The following TBPL1 variants were observed in gnomAD, a reference collection of about 807,000 sequenced individuals.
TBPL1 encodes TATA box-binding protein-like 1.
Under a neutral mutation model 22.1 loss-of-function variants are expected in TBPL1, and 4 were observed. The observed-to-expected ratio is 0.18, with a 90% confidence interval of 0.09 to 0.41. TBPL1 has a LOEUF of 0.41. Ranked by LOEUF, TBPL1 falls within the 10% of genes least tolerant of loss-of-function variation. The pLI is 1.00. For synonymous variants in TBPL1, 64 were observed against 71.0 expected (o/e 0.90, Z 0.50); for missense variants, 115 against 222.3 (o/e 0.52, Z 3.07).
chr6:133,972,053 A>T (rs559461950), intron 1 of TBPL1, among the ~76,000 whole-genome samples: 1 of 152,322 alleles, frequency 6.6e-6, no homozygotes, highest in African/African-American at 2.4e-5. Context: ...CTTAGAATAG[A>T]TTATCCAAAT....
chr6:133,981,813 A>G (rs1396662987), intron 2 of TBPL1, among the ~76,000 whole-genome samples: 2 of 152,210 alleles, frequency 1.3e-5, no homozygotes, highest in African/African-American at 2.4e-5. Flanking sequence ...ATTTCCATTA[A>G]TGAAAAGTTG....
intron 1 of TBPL1, among the ~76,000 whole-genome samples, chr6:133,956,180 C>T (rs2114315266): frequency 6.6e-6 from 1 of 152,186 alleles, no homozygotes; most frequent in South Asian, 2.1e-4. Context: ...ATGAACGTTG[C>T]AGTTGATTTT....
chr6:133,983,225 T>G (rs1284277637), intron 4 of TBPL1, among the ~76,000 whole-genome samples: 1 of 152,212 alleles, frequency 6.6e-6, no homozygotes, highest in Non-Finnish European at 1.5e-5. Flanking sequence ...GAATGGTGAA[T>G]AGAGAATGGC....
chr6:133,979,329 G>C (rs766071633), intron 1 of TBPL1, among the ~76,000 whole-genome samples: 1 of 152,148 alleles, frequency 6.6e-6, no homozygotes, highest in African/African-American at 2.4e-5. Context: ...CAGTTACTCT[G>C]CTTGAAATAG....
intron 1 of TBPL1, among the ~76,000 whole-genome samples, chr6:133,976,612 A>G (rs922085929): frequency 1.3e-5 from 2 of 152,192 alleles, no homozygotes; most frequent in Non-Finnish European, 2.9e-5. Context: ...ATTTAGTTAG[A>G]CCTGTTTAAC....
chr6:133,962,723 A>G (rs1487441509), intron 1 of TBPL1, among the ~76,000 whole-genome samples: 1 of 152,244 alleles, frequency 6.6e-6, no homozygotes, highest in African/African-American at 2.4e-5. Context: ...AAAGGATTTC[A>G]GGCAGTGGTT....
At chr6:133,974,584 C>G (rs1263760666) in intron 1 of TBPL1, among the ~76,000 whole-genome samples, 1 of 152,248 alleles carries the variant, frequency 6.6e-6, no homozygotes. Context: ...ACCTTGCCCT[C>G]CCAAAGTGCT....
chr6:133,959,214 A>G (rs1262905469), intron 1 of TBPL1, among the ~76,000 whole-genome samples: 5 of 151,892 alleles, frequency 3.3e-5, no homozygotes, highest in Non-Finnish European at 7.4e-5. Flanking sequence ...TAATTTTTAT[A>G]TTTTTAGTAG....
At chr6:133,962,294 A>T (rs895538725) in intron 1 of TBPL1, among the ~76,000 whole-genome samples, 1 of 152,224 alleles carries the variant, frequency 6.6e-6, no homozygotes, top group Non-Finnish European at 1.5e-5. Flanking sequence ...TAATCCTGGT[A>T]GCTATTTGGT....
chr6:133,956,715 C>A (rs541609112), intron 1 of TBPL1, among the ~76,000 whole-genome samples: 13 of 152,204 alleles, frequency 8.5e-5, no homozygotes, highest in Non-Finnish European at 1.8e-4. Flanking sequence ...CCTAAAATTT[C>A]AACTTTGTAT....
At chr6:133,984,089 T>A (rs1325079512) in intron 4 of TBPL1, among the ~76,000 whole-genome samples, 1 of 152,222 alleles carries the variant, frequency 6.6e-6, no homozygotes, top group Non-Finnish European at 1.5e-5. Context: ...TCAGTAGTTT[T>A]AAATATTTCA....
chr6:133,985,337 T>TATATATACAC (rs756426220), intron 6 of TBPL1, among the ~76,000 whole-genome samples: 13 of 55,024 alleles, frequency 2.4e-4, no homozygotes, highest in African/African-American at 7.7e-4. Context: ...TATATATATA[T>TATATATACAC]ACACACATAT....
intron 1 of TBPL1, among the ~76,000 whole-genome samples, chr6:133,960,116 A>G (rs1372445418): frequency 6.6e-6 from 1 of 152,170 alleles, no homozygotes; most frequent in Non-Finnish European, 1.5e-5. Flanking sequence ...GGAAAGTTGT[A>G]ATGAGCATAC....
At chr6:133,981,735 A>G (rs1165104845) in intron 2 of TBPL1, among the ~76,000 whole-genome samples, 1 of 152,252 alleles carries the variant, frequency 6.6e-6, no homozygotes, top group Non-Finnish European at 1.5e-5. Flanking sequence ...AAGCAGAAAC[A>G]TCTGATTCAT....
upstream of TBPL1, chr6:133,952,773 G>A (rs1456831789): frequency 6.6e-6 from 1 of 152,110 alleles, no homozygotes; most frequent in Non-Finnish European, 1.5e-5. This position sits in a 1 kb window ranked among gnomAD's most constrained non-coding sequence, Gnocchi z 4.5. Flanking sequence ...GGGTGGGGAG[G>A]ACCTTTTGTA....
rs891054830 is a variant in TBPL1, at chr6:133,973,813, C to T, written c.-44-6269C>T. ...TTTTATGAGAAGATATTTGACAAATCACACTAAGCCATTTCCTTGAGAAAC... is the reference window on the plus strand; with the variant it reads ...TTTTATGAGAAGATATTTGACAAATTACACTAAGCCATTTCCTTGAGAAAC... On this transcript the variant is annotated intron_variant, in intron 1 of 6. Coordinates refer to ENST00000237264, the MANE Select transcript of TBPL1 (RefSeq NM_004865.4). Among the ~76,000 whole-genome samples, 11 of 152,148 alleles carry T rather than the reference C, an allele frequency of 7.2e-5. No homozygotes were observed. The East Asian group carries it at 1.9e-3, about 27-fold the overall frequency.
Position 133,988,879 on chromosome 6 carries a change from C to T in TBPL1, c.*1839C>T, listed in dbSNP as rs1582590267. 6.6e-6 allele frequency: 1 copy of T among 152,230 alleles called. No homozygotes were observed. The highest frequency in any genetic ancestry group is 2.4e-5 in the African/African-American group (1 of 41,528). 9.4% of individuals were successfully genotyped at this position (152,230 alleles called of 1,614,324 possible). A position where few individuals can be genotyped will look rare whatever the true frequency, so the allele number is the denominator to read the frequency against. On this transcript the variant is annotated 3_prime_UTR_variant, in exon 7 of 7. Coordinates refer to ENST00000237264, the MANE Select transcript of TBPL1 (RefSeq NM_004865.4). ...AGTTTTAATTAACAGTAATAAGTCA[C>T]CTCCTGTTTTTCAATGTTCACCAAA...
chr6:133,973,253 T>A (rs1776255941), intron 1 of TBPL1, among the ~76,000 whole-genome samples: 1 of 152,192 alleles, frequency 6.6e-6, no homozygotes, highest in African/African-American at 2.4e-5. Flanking sequence ...GTTCCTATTG[T>A]GTTTGCAAAT....
At chr6:133,962,408 G>A (rs931002322) in intron 1 of TBPL1, among the ~76,000 whole-genome samples, 1 of 152,214 alleles carries the variant, frequency 6.6e-6, no homozygotes, top group African/African-American at 2.4e-5. Context: ...TTTGGATGCA[G>A]AAAAGAAGCT....
Sources: gnomAD v4.1 joint callset for allele counts (sites outside exome capture counted in the v4.1 genomes callset) on GRCh38, gnomAD v4.1.1 for gene constraint, Gnocchi (gnomAD v3.1) non-coding constraint, MANE v1.5 for transcripts, NCBI Gene and HGNC (gene_info 2026-07-23, HGNC 2026-07-21) for gene names.